Variants in CRISPLD2 observed in about 807,000 individuals in gnomAD.
The protein encoded by CRISPLD2 is cysteine rich secretory protein LCCL domain containing 2.
In CRISPLD2, 47 loss-of-function variants were observed where a neutral mutation model predicts 71.1. That is an observed-to-expected ratio of 0.66 (90% confidence interval 0.52 to 0.84). The LOEUF (loss-of-function observed/expected upper bound fraction) is 0.84. Among genes scored for constraint, CRISPLD2 ranks in the 40% least tolerant of loss-of-function variants. The probability of loss-of-function intolerance (pLI) is 0.00; values close to 1 mark genes in which losing one functional copy is unlikely to be tolerated. For synonymous variants in CRISPLD2, 317 were observed against 250.1 expected (o/e 1.27, Z -2.52); for missense variants, 830 against 651.1 (o/e 1.27, Z -2.99).
In CRISPLD2 at chr16:84,908,526, C is replaced by T. The variant is rs1397221739; in HGVS notation, c.*1884C>T. 1.3e-5 allele frequency: 2 copies of T among 152,104 alleles called. No homozygotes were observed. Among genetic ancestry groups the T allele is most frequent in the Admixed American group, 6.6e-5 (1 of 15,258 alleles). The allele number at this position is 152,104 out of a possible 1,614,324, so 9.4% of individuals were successfully genotyped here. On this transcript the variant is annotated 3_prime_UTR_variant, in exon 15 of 15. Transcript: ENST00000262424. ...GGGTCCAGGACGATCCCAGTGGGCT[C>T]GCTTCCAAAGCATCCCACTCAAGGG...
intron 14 of CRISPLD2, among the ~76,000 whole-genome samples, chr16:84,904,626 A>G (rs1353119899): frequency 1.3e-5 from 2 of 152,086 alleles, no homozygotes; most frequent in Non-Finnish European, 2.9e-5. Flanking sequence ...AATTAAAAAA[A>G]AAAATGATTG....
At chr16:84,836,449 G>C (rs947161218) in intron 1 of CRISPLD2, 9 of 152,260 alleles carry the variant, frequency 5.9e-5, no homozygotes, top group African/African-American at 2.2e-4. Context: ...AGCACGCAGA[G>C]GTCCTCCCCA....
chr16:84,866,560 C>T (rs972803639), intron 6 of CRISPLD2, among the ~76,000 whole-genome samples: 1 of 152,118 alleles, frequency 6.6e-6, no homozygotes. Context: ...GAAGTTGCTT[C>T]GTGGGGGCAG....
chr16:84,872,392 T>G (rs749176858), intron 8 of CRISPLD2, 50 bp from the exon 9 acceptor site: 1 of 1,409,862 alleles, frequency 7.1e-7, no homozygotes, highest in Non-Finnish European at 1.0e-6. Flanking sequence ...CATTGTGAGA[T>G]GTAATCAACG....
intron 1 of CRISPLD2, among the ~76,000 whole-genome samples, chr16:84,822,402 G>A (rs1916250859): frequency 6.6e-6 from 1 of 152,176 alleles, no homozygotes; most frequent in South Asian, 2.1e-4. Context: ...TGACGTCTTT[G>A]GAGGTCAGAA....
At chr16:84,903,598 T>TAAA (rs10557896) in intron 14 of CRISPLD2, among the ~76,000 whole-genome samples, 14 of 136,138 alleles carry the variant, frequency 1.0e-4, no homozygotes, top group Non-Finnish European at 1.8e-4. Context: ...TCTTAAAATT[T>TAAA]AAAAAAAAAA....
chr16:84,870,309 C>T (rs987071945), intron 8 of CRISPLD2, among the ~76,000 whole-genome samples: 1 of 151,968 alleles, frequency 6.6e-6, no homozygotes, highest in Non-Finnish European at 1.5e-5. Flanking sequence ...GCTAATGCTG[C>T]CCATGTATTT....
At chr16:84,875,400 G>C (rs912701841) in intron 11 of CRISPLD2, among the ~76,000 whole-genome samples, 3 of 137,102 alleles carry the variant, frequency 2.2e-5, no homozygotes, top group Admixed American at 7.1e-5. Context: ...AGAAACATGA[G>C]ATTTATGCAT....
chr16:84,883,773 T>C (rs2071588190), intron 13 of CRISPLD2, among the ~76,000 whole-genome samples: 1 of 152,160 alleles, frequency 6.6e-6, no homozygotes, highest in Non-Finnish European at 1.5e-5. Context: ...GGAGGTGGCA[T>C]TTGTCTTGAC....
intron 6 of CRISPLD2, among the ~76,000 whole-genome samples, chr16:84,866,689 G>A (rs1052846089): frequency 6.6e-6 from 1 of 152,192 alleles, no homozygotes; most frequent in Non-Finnish European, 1.5e-5. Context: ...AACACAGTGA[G>A]CGGAGAGCGT....
intron 13 of CRISPLD2, among the ~76,000 whole-genome samples, chr16:84,885,119 A>G (rs1303420419): frequency 6.6e-6 from 1 of 152,186 alleles, no homozygotes; most frequent in African/African-American, 2.4e-5. Context: ...TGACAGTGGG[A>G]CCCAAAAATC....
intron 5 of CRISPLD2, among the ~76,000 whole-genome samples, chr16:84,852,100 C>T (rs768050094): frequency 2.6e-5 from 4 of 152,220 alleles, no homozygotes; most frequent in Admixed American, 1.3e-4. Flanking sequence ...GGCTCACCAA[C>T]GGCCACTATC....
intron 11 of CRISPLD2, among the ~76,000 whole-genome samples, chr16:84,876,319 T>A (rs2071517918): frequency 6.6e-6 from 1 of 152,116 alleles, no homozygotes; most frequent in Non-Finnish European, 1.5e-5. Context: ...CTGGCCAACA[T>A]GGTGAAACCC....
chr16:84,877,455 T>C lies in CRISPLD2; in HGVS notation c.1174T>C (p.Tyr392His), dbSNP rs567776165. Residue 392 changes from tyrosine (Y) to histidine (H), a missense_variant, in exon 12 of 15, where the codon TAC becomes CAC. Coordinates refer to ENST00000262424, the MANE Select transcript of CRISPLD2 (RefSeq NM_031476.4). ...GTTCACAGTGCAGGATTTGGACTGC[T>C]ACACGACCGTTGCTCAGCTGTGCCC... ...SKVKVQDLDC[Y>H]TTVAQLCPFE... 1.6e-5 allele frequency: 26 copies of C among 1,613,886 alleles called. No homozygotes were observed. The highest frequency in any genetic ancestry group is 6.6e-5 in the South Asian group (6 of 91,084).
At chr16:84,854,448 G>C (rs1034869084) in intron 5 of CRISPLD2, among the ~76,000 whole-genome samples, 1 of 152,128 alleles carries the variant, frequency 6.6e-6, no homozygotes, top group Non-Finnish European at 1.5e-5. Context: ...TTGGTGGAAG[G>C]GGGGCCACGG....
At chr16:84,859,322 A>G (rs770203754) in intron 6 of CRISPLD2, among the ~76,000 whole-genome samples, 4 of 152,174 alleles carry the variant, frequency 2.6e-5, no homozygotes, top group Non-Finnish European at 4.4e-5. Context: ...CTCTACTTTA[A>G]CTGGAGGACC....
chr16:84,857,971 T>G (rs572352383), intron 6 of CRISPLD2, among the ~76,000 whole-genome samples: 1 of 152,310 alleles, frequency 6.6e-6, no homozygotes, highest in South Asian at 2.1e-4. Context: ...GATGGGCAGT[T>G]CAGGTCACAT....
chr16:84,834,303 G>T (rs184217180), intron 1 of CRISPLD2, among the ~76,000 whole-genome samples: 1 of 152,234 alleles, frequency 6.6e-6, no homozygotes, highest in East Asian at 1.9e-4. Context: ...TGGCAAGCCC[G>T]GGACCACTTG....
chr16:84,896,382 A>T (rs1293673322), intron 14 of CRISPLD2, among the ~76,000 whole-genome samples: 1 of 152,084 alleles, frequency 6.6e-6, no homozygotes, highest in Non-Finnish European at 1.5e-5. Flanking sequence ...AAGACTATAT[A>T]TAGAGAGAGA....
Sources: gnomAD v4.1 joint callset for allele counts (sites outside exome capture counted in the v4.1 genomes callset) on GRCh38, gnomAD v4.1.1 for gene constraint, MANE v1.5 for transcripts, NCBI Gene and HGNC (gene_info 2026-07-23, HGNC 2026-07-21) for gene names.